Variants in C14orf39 observed in about 807,000 individuals in gnomAD.
C14orf39 encodes chromosome 14 open reading frame 39.
C14orf39 carries 66 observed loss-of-function variants against 85.6 expected under a neutral mutation model. The ratio of observed to expected loss-of-function variants is 0.77; its 90% CI spans 0.63 to 0.95. The LOEUF is 0.95. C14orf39 is among the 40% of genes least tolerant of loss of function. The pLI is 0.00. For synonymous variants in C14orf39, 242 were observed against 214.0 expected (o/e 1.13, Z -1.14); for missense variants, 735 against 663.9 (o/e 1.11, Z -1.18).
intron 8 of C14orf39, among the ~76,000 whole-genome samples, chr14:60,469,106 G>A (rs1891940902): frequency 6.6e-6 from 1 of 151,000 alleles, no homozygotes; most frequent in African/African-American, 2.4e-5. Context: ...AGCCTAGCTC[G>A]CTAAAGATTA....
chr14:60,509,982 G>A, intron 1 of C14orf39: 1 of 1,589,016 alleles, frequency 6.3e-7, no homozygotes, highest in Non-Finnish European at 8.6e-7. Flanking sequence ...TCGGTACCTA[G>A]AGGCCTCCGC....
At chr14:60,468,346 A>G (rs1342713873) in intron 9 of C14orf39, 99 bp downstream of exon 9, 2 of 561,096 alleles carry the variant, frequency 3.6e-6, no homozygotes, top group African/African-American at 2.0e-5. Context: ...ATTTACAGAT[A>G]CTGTGTAAAT....
intron 16 of C14orf39, among the ~76,000 whole-genome samples, chr14:60,453,665 G>A (rs540514616): frequency 7.3e-5 from 11 of 150,968 alleles, no homozygotes; most frequent in South Asian, 4.2e-4. Flanking sequence ...TTAGAATTTC[G>A]TTTTAATTTA....
At chr14:60,447,357 A>C (rs555622164) in intron 16 of C14orf39, among the ~76,000 whole-genome samples, 4 of 152,350 alleles carry the variant, frequency 2.6e-5, no homozygotes, top group Admixed American at 1.3e-4. Flanking sequence ...CAGTCTCAGG[A>C]TACAAAATCA....
chr14:60,472,488 T>C (rs1318962233), intron 5 of C14orf39, among the ~76,000 whole-genome samples: 2 of 152,270 alleles, frequency 1.3e-5, no homozygotes, highest in Admixed American at 6.5e-5. Flanking sequence ...GCCATGTTGG[T>C]GTGCTGCACC....
At chr14:60,472,714 T>A (rs1359867677) in intron 5 of C14orf39, among the ~76,000 whole-genome samples, 1 of 152,194 alleles carries the variant, frequency 6.6e-6, no homozygotes, top group East Asian at 1.9e-4. Flanking sequence ...TTCATCCTTG[T>A]CCCTACAAAG....
At chr14:60,506,336 T>G (rs1220420086) in intron 1 of C14orf39, among the ~76,000 whole-genome samples, 1 of 151,966 alleles carries the variant, frequency 6.6e-6, no homozygotes, top group Non-Finnish European at 1.5e-5. Context: ...TCAAAACTGG[T>G]AAAAGAAAAA....
chr14:60,514,069 C>T (rs1893329445), intron 1 of C14orf39, among the ~76,000 whole-genome samples: 1 of 152,114 alleles, frequency 6.6e-6, no homozygotes, highest in Non-Finnish European at 1.5e-5. Flanking sequence ...CACCTAATTG[C>T]CTCTGTGAAT....
At chr14:60,508,554 G>A (rs1292869792) in intron 1 of C14orf39, among the ~76,000 whole-genome samples, 1 of 152,088 alleles carries the variant, frequency 6.6e-6, no homozygotes, top group Non-Finnish European at 1.5e-5. Flanking sequence ...AGTTCAAACT[G>A]ACCTCTTCTA....
intron 10 of C14orf39, 78 bp downstream of exon 10, chr14:60,466,835 GATAA>G: frequency 9.0e-7 from 1 of 1,106,826 alleles, no homozygotes; most frequent in Non-Finnish European, 1.2e-6. Flanking sequence ...TACACCAAAT[GATAA>G]ATAAAATTGC....
rs997994209 is a variant in C14orf39, at chr14:60,436,775, A to T, written c.*70T>A. On this transcript the variant is annotated 3_prime_UTR_variant, in exon 18 of 18. Transcript: ENST00000321731. Reference sequence around the variant, plus strand: ...TAAAAGAAAGCAGTCTTCATGTTTTAAGCAATAATGTAAATTTATGCCCTC... The same window carrying T: ...TAAAAGAAAGCAGTCTTCATGTTTTTAGCAATAATGTAAATTTATGCCCTC... The T allele has an allele frequency of 4.4e-5, 43 of 980,586 alleles. No homozygotes were observed. Among genetic ancestry groups the T allele is most frequent in the Non-Finnish European group, 5.9e-5 (38 of 641,888 alleles). The allele number at this position is 980,586 out of a possible 1,614,324, so 60.7% of individuals were successfully genotyped here. A position where few individuals can be genotyped will look rare whatever the true frequency, so the allele number is the denominator to read the frequency against.
chr14:60,440,705 TC>T (rs1397700636), intron 17 of C14orf39, among the ~76,000 whole-genome samples: 1 of 152,136 alleles, frequency 6.6e-6, no homozygotes, highest in East Asian at 1.9e-4. Flanking sequence ...AAACCCTAAG[TC>T]CTTAATGATC....
intron 1 of C14orf39, among the ~76,000 whole-genome samples, chr14:60,501,217 G>A (rs1893141879): frequency 6.6e-6 from 1 of 151,238 alleles, no homozygotes; most frequent in African/African-American, 2.4e-5. Flanking sequence ...TGAGGTGTGA[G>A]GATGGCTTGA....
intron 17 of C14orf39, 121 bp downstream of exon 17, chr14:60,441,953 G>A (rs756379068): frequency 1.5e-5 from 10 of 662,582 alleles, no homozygotes; most frequent in Non-Finnish European, 2.7e-5. Context: ...AGTGAGTAGT[G>A]CAGAAGTAAC....
chr14:60,460,829 G>A lies in C14orf39; in HGVS notation c.1117+525C>T, dbSNP rs542284732. On this transcript the variant is annotated intron_variant, in intron 13 of 17. Transcript: ENST00000321731. ...CTTTATTCAAAGAAAATAGTCCAAG[G>A]TATTAAAAGATTAATGTAAAAGAAT... 2.0e-5 allele frequency among the ~76,000 whole-genome samples: 3 copies of A among 151,170 alleles called. No homozygotes were observed. The South Asian group carries it at 6.2e-4, about 31-fold the overall frequency.
At chr14:60,443,395 CATGCCCA>C (rs1032020349) in intron 16 of C14orf39, among the ~76,000 whole-genome samples, 2 of 152,198 alleles carry the variant, frequency 1.3e-5, no homozygotes, top group African/African-American at 4.8e-5. Context: ...CGGTGAGTGC[CATGCCCA>C]AGGAGCCTTG....
chr14:60,491,264 G>C lies in C14orf39; in HGVS notation c.-8-6178C>G, dbSNP rs572629633. Among the ~76,000 whole-genome samples the C allele has an allele frequency of 6.6e-6, 1 of 152,302 alleles. No homozygotes were observed. Among genetic ancestry groups the C allele is most frequent in the African/African-American group, 2.4e-5 (1 of 41,568 alleles). On this transcript the variant is annotated intron_variant, in intron 2 of 5. Transcript: ENST00000556799. The surrounding 1 kb of genome is among the most constrained non-coding windows in gnomAD (Gnocchi z 4.5). ...AGTGTCTGGTAAGGGCACACTCTTTGCTTCCAAAATGGTGTCTTGTTGCTG... is the reference window on the plus strand; with the variant it reads ...AGTGTCTGGTAAGGGCACACTCTTTCCTTCCAAAATGGTGTCTTGTTGCTG...
chr14:60,508,806 C>T (rs992649934), intron 1 of C14orf39: 1 of 156,480 alleles, frequency 6.4e-6, no homozygotes, highest in Admixed American at 6.5e-5. Context: ...ACCTCTCGAC[C>T]GAGACAACGC....
chr14:60,497,280 C>T (rs1373014763), intron 2 of C14orf39, among the ~76,000 whole-genome samples: 2 of 152,216 alleles, frequency 1.3e-5, no homozygotes, highest in Non-Finnish European at 2.9e-5. Context: ...AGTTCATGCA[C>T]TTATCCTTCA....
Sources: gnomAD v4.1 joint callset for allele counts (sites outside exome capture counted in the v4.1 genomes callset) on GRCh38, gnomAD v4.1.1 for gene constraint, Gnocchi (gnomAD v3.1) non-coding constraint, MANE v1.5 for transcripts, NCBI Gene and HGNC (gene_info 2026-07-23, HGNC 2026-07-21) for gene names.